DLGAP2: variants seen among roughly 807,000 people sequenced by gnomAD.
DLGAP2 encodes the protein DLG associated protein 2.
A neutral mutation model predicts 100.3 loss-of-function variants in DLGAP2; 26 were observed. The ratio of observed to expected loss-of-function variants is 0.26; its 90% CI spans 0.19 to 0.36. The LOEUF (loss-of-function observed/expected upper bound fraction) is 0.36. Ranked by LOEUF, DLGAP2 falls within the 10% of genes least tolerant of loss-of-function variation. The pLI, the probability that DLGAP2 is intolerant of heterozygous loss-of-function variation, is 1.00. For missense variants in DLGAP2, 1,858 were observed against 1,453.2 expected (o/e 1.28, Z -4.53); for synonymous variants, 886 against 630.1 (o/e 1.41, Z -6.08).
chr8:810,424 A>G (rs1326839034), intron 1 of DLGAP2, among the ~76,000 whole-genome samples: 3 of 152,248 alleles, frequency 2.0e-5, no homozygotes, highest in Non-Finnish European at 4.4e-5. Context: ...TTTTAAAACA[A>G]TAGCAGATAT....
chr8:841,386 C>T (rs1796981410), intron 1 of DLGAP2, among the ~76,000 whole-genome samples: 1 of 152,170 alleles, frequency 6.6e-6, no homozygotes, highest in Non-Finnish European at 1.5e-5. Flanking sequence ...GGGACACAAC[C>T]CTGGCAGCCT....
chr8:1,413,696 T>G (rs972084572), intron 3 of DLGAP2, among the ~76,000 whole-genome samples: 21 of 152,236 alleles, frequency 1.4e-4, no homozygotes, highest in Non-Finnish European at 2.9e-4. Context: ...ATAAATGGTC[T>G]TGAACTCAAA....
intron 3 of DLGAP2, among the ~76,000 whole-genome samples, chr8:1,449,282 C>G (rs1362270692): frequency 6.6e-6 from 1 of 152,162 alleles, no homozygotes; most frequent in African/African-American, 2.4e-5. Context: ...GGTAATTGTT[C>G]TGAGACAGGG....
At chr8:1,330,725 A>AG (rs1801135689) in intron 3 of DLGAP2, among the ~76,000 whole-genome samples, 2 of 100,696 alleles carry the variant, frequency 2.0e-5, no homozygotes, top group African/African-American at 8.2e-5. Flanking sequence ...TGGGAGCGCC[A>AG]CTTCACCAGG....
At chr8:1,187,935 G>A (rs370762700) in intron 2 of DLGAP2, among the ~76,000 whole-genome samples, 2 of 118,194 alleles carry the variant, frequency 1.7e-5, no homozygotes, top group East Asian at 2.4e-4. Flanking sequence ...AATCTTGCAC[G>A]CCCGGGACTT....
intron 2 of DLGAP2, among the ~76,000 whole-genome samples, chr8:938,519 G>A (rs1308390662): frequency 1.3e-5 from 2 of 152,084 alleles, no homozygotes; most frequent in African/African-American, 4.8e-5. Flanking sequence ...TGGAGCACAC[G>A]GTGGGGGTAG....
chr8:1,487,450 C>T (rs970650833), intron 3 of DLGAP2, among the ~76,000 whole-genome samples: 1 of 152,314 alleles, frequency 6.6e-6, no homozygotes, highest in East Asian at 1.9e-4. Context: ...ATGAAATATT[C>T]TGGTATATAG....
chr8:1,295,617 GA>G (rs200570944), intron 3 of DLGAP2, among the ~76,000 whole-genome samples: 2,675 of 152,310 alleles, frequency 0.018, 31 homozygotes, highest in South Asian at 0.036. Context: ...GTCAAGGTAG[GA>G]TTATGCCTAT....
At chr8:1,448,924 C>T (rs927179205) in intron 3 of DLGAP2, among the ~76,000 whole-genome samples, 6 of 152,184 alleles carry the variant, frequency 3.9e-5, no homozygotes, top group African/African-American at 1.4e-4. Context: ...AAACATGCAG[C>T]CGCTGCTGGG....
At chr8:1,686,089 G>A (rs1159196673) in intron 12 of DLGAP2, among the ~76,000 whole-genome samples, 1 of 152,128 alleles carries the variant, frequency 6.6e-6, no homozygotes, top group Non-Finnish European at 1.5e-5. Context: ...CAAACAAAAG[G>A]AAATTCATAT....
At chr8:781,418 AT>A (rs150256232) in intron 1 of DLGAP2, among the ~76,000 whole-genome samples, 121 of 150,048 alleles carry the variant, frequency 8.1e-4, no homozygotes, top group Non-Finnish European at 1.2e-3. Flanking sequence ...GACCTCAGGG[AT>A]TTTTTTTTTG....
chr8:803,887 C>G (rs760519064), intron 1 of DLGAP2, among the ~76,000 whole-genome samples: 7 of 152,192 alleles, frequency 4.6e-5, no homozygotes, highest in Non-Finnish European at 1.0e-4. Flanking sequence ...AACTATAATT[C>G]ATGCACTTAG....
chr8:1,629,916 C>T (rs1354390105), intron 7 of DLGAP2, among the ~76,000 whole-genome samples: 1 of 152,144 alleles, frequency 6.6e-6, no homozygotes, highest in Non-Finnish European at 1.5e-5. Flanking sequence ...CGTCATCTTG[C>T]TTTTGATGAA....
intron 4 of DLGAP2, among the ~76,000 whole-genome samples, chr8:1,542,076 T>G (rs957138412): frequency 6.6e-6 from 1 of 152,210 alleles, no homozygotes; most frequent in Non-Finnish European, 1.5e-5. Flanking sequence ...GGAGGAGATT[T>G]AGAAGCAAAA....
intron 3 of DLGAP2, among the ~76,000 whole-genome samples, chr8:1,318,389 G>A (rs1370611800): frequency 6.6e-6 from 1 of 151,164 alleles, no homozygotes; most frequent in Non-Finnish European, 1.5e-5. Context: ...CTCCCACAGG[G>A]CTCCCCACTG....
chr8:920,294 G>T (rs1798681449), intron 2 of DLGAP2, among the ~76,000 whole-genome samples: 1 of 152,216 alleles, frequency 6.6e-6, no homozygotes. Flanking sequence ...CAGGTGTGTG[G>T]TATAAACCAT....
At chr8:1,616,799 G>A (rs939472518) in intron 6 of DLGAP2, among the ~76,000 whole-genome samples, 5 of 158 alleles carry the variant, frequency 0.032, no homozygotes, top group South Asian at 0.25. Flanking sequence ...GTAAACTCAC[G>A]TCATGTGGGG....
chr8:1,240,245 GT>G (rs1798756844), intron 2 of DLGAP2, among the ~76,000 whole-genome samples: 14 of 121,778 alleles, frequency 1.1e-4, no homozygotes, highest in South Asian at 2.8e-4. Context: ...ATGGCGCCGT[GT>G]CTAGTTCTCT....
At chr8:1,081,144 A>C (rs1010150908) in intron 2 of DLGAP2, among the ~76,000 whole-genome samples, 3 of 152,130 alleles carry the variant, frequency 2.0e-5, no homozygotes, top group Non-Finnish European at 1.5e-5. Context: ...CACCTTTCTT[A>C]CTGTTTTCTC....
Sources: allele counts gnomAD v4.1 joint callset (sites outside exome capture counted in the v4.1 genomes callset), GRCh38; gene constraint gnomAD v4.1.1; transcripts MANE v1.5; gene names NCBI Gene and HGNC (gene_info 2026-07-23, HGNC 2026-07-21).